WDPCP: variants seen among roughly 807,000 people sequenced by gnomAD.
WDPCP encodes WD repeat containing planar cell polarity effector, also known as WD repeat-containing and planar cell polarity effector protein fritz homolog.
A neutral mutation model predicts 93.1 loss-of-function variants in WDPCP; 71 were observed. The ratio of observed to expected loss-of-function variants is 0.76; its 90% CI spans 0.63 to 0.93. WDPCP has a LOEUF of 0.93. Among genes scored for constraint, WDPCP ranks in the 40% least tolerant of loss-of-function variants. WDPCP has a pLI of 0.00. For missense variants in WDPCP, 844 were observed against 887.4 expected (o/e 0.95, Z 0.62); for synonymous variants, 315 against 315.0 (o/e 1.00, Z 0.00).
At chr2:63,403,019 G>C (rs990931487) in intron 10 of WDPCP, among the ~76,000 whole-genome samples, 1 of 152,146 alleles carries the variant, frequency 6.6e-6, no homozygotes, top group African/African-American at 2.4e-5. Flanking sequence ...TAGAGACATG[G>C]AATCAACCTA....
chr2:63,470,039 C>G (rs948519374), intron 6 of WDPCP, among the ~76,000 whole-genome samples: 11 of 152,056 alleles, frequency 7.2e-5, no homozygotes, highest in Admixed American at 5.2e-4. Context: ...TCCAGGACAC[C>G]ACACTCCCTT....
chr2:63,456,042 A>G (rs1212341067), intron 6 of WDPCP, among the ~76,000 whole-genome samples: 3 of 152,232 alleles, frequency 2.0e-5, no homozygotes, highest in African/African-American at 7.2e-5. Context: ...ATACAAATAC[A>G]TGGAAATTAA....
intron 1 of WDPCP, among the ~76,000 whole-genome samples, chr2:63,502,744 T>G (rs1401850063): frequency 6.6e-6 from 1 of 151,510 alleles, no homozygotes; most frequent in East Asian, 1.9e-4. Flanking sequence ...TTCACTAACA[T>G]ATATGAAGAA....
rs929071727 is a variant in WDPCP, at chr2:63,120,767, C to T, written c.*1239G>A. Among the ~76,000 whole-genome samples the T allele has an allele frequency of 2.0e-5, 3 of 151,820 alleles. No individual in the cohort carries two copies. Among genetic ancestry groups the T allele is most frequent in the Non-Finnish European group, 2.9e-5 (2 of 67,966 alleles). On this transcript the variant is annotated 3_prime_UTR_variant, in exon 18 of 18. Transcript: ENST00000272321. Reference sequence around the variant, plus strand: ...TCTAGGATGGTCTCCATCTCCTGACCTCGTGATTCGCCCGCCTTGGCCTCC... The same window carrying T: ...TCTAGGATGGTCTCCATCTCCTGACTTCGTGATTCGCCCGCCTTGGCCTCC...
At chr2:63,590,303 C>T (rs1283763216), upstream of WDPCP, 2 of 151,966 alleles carry the variant, frequency 1.3e-5, no homozygotes, top group East Asian at 3.9e-4. Context: ...TTATCGAGAC[C>T]CAAAGAGAAT....
chr2:63,396,165 T>C (rs749826254), intron 10 of WDPCP, among the ~76,000 whole-genome samples: 1 of 152,234 alleles, frequency 6.6e-6, no homozygotes, highest in African/African-American at 2.4e-5. Context: ...TTAAATGATA[T>C]GAGATCCAAT....
intron 2 of WDPCP, among the ~76,000 whole-genome samples, chr2:63,806,273 G>A (rs1670761559): frequency 6.6e-6 from 1 of 152,082 alleles, no homozygotes; most frequent in Non-Finnish European, 1.5e-5. Flanking sequence ...GCGTCCGGGG[G>A]GGACATCACA....
At chr2:63,248,473 A>G (rs1460866171) in intron 14 of WDPCP, among the ~76,000 whole-genome samples, 1 of 152,114 alleles carries the variant, frequency 6.6e-6, no homozygotes, top group East Asian at 1.9e-4. Flanking sequence ...TATTTCCTCA[A>G]ATTTGGGAGG....
At chr2:63,775,504 C>A (rs1670289440) in intron 2 of WDPCP, among the ~76,000 whole-genome samples, 2 of 152,190 alleles carry the variant, frequency 1.3e-5, no homozygotes, top group Non-Finnish European at 2.9e-5. Context: ...GTGTCTTATA[C>A]ACATTGAATT....
At position 63,312,213 on chromosome 2, in the gene WDPCP, A is replaced by G. The variant is rs544867282; in HGVS notation, c.1812+1035T>C. ...ATAATAGTATAATTAATTGAATGAC[A>G]TACATTTAGAATTTAAATATCAAAC... On this transcript the variant is annotated intron_variant, in intron 13 of 17. Coordinates refer to ENST00000272321, the MANE Select transcript of WDPCP (RefSeq NM_015910.7). 1.2e-3 allele frequency among the ~76,000 whole-genome samples: 187 copies of G among 152,314 alleles called. 1 individual carries two copies. The highest frequency in any genetic ancestry group is 4.3e-3 in the African/African-American group (177 of 41,594).
At chr2:63,597,599 A>G in intron 3 of WDPCP, 2 of 1,334,552 alleles carry the variant, frequency 1.5e-6, no homozygotes, top group African/African-American at 1.5e-5. Flanking sequence ...ATTTTATGGG[A>G]TTTTTCATTA....
At chr2:63,283,987 C>T (rs889682309) in intron 13 of WDPCP, among the ~76,000 whole-genome samples, 1 of 151,784 alleles carries the variant, frequency 6.6e-6, no homozygotes. Context: ...CAAGGTTATT[C>T]AGTCAAAAAA....
intron 3 of WDPCP, among the ~76,000 whole-genome samples, chr2:63,611,485 CAAG>C (rs1394033597): frequency 1.3e-5 from 2 of 152,026 alleles, no homozygotes; most frequent in Non-Finnish European, 2.9e-5. Flanking sequence ...CAATATTTCT[CAAG>C]AAATGTTGAC....
rs34001322 is a variant in WDPCP, at chr2:63,158,973, C to CAA, written c.2079-5401_2079-5400dup. 6.2e-4 allele frequency among the ~76,000 whole-genome samples: 38 copies of CAA among 61,136 alleles called. 2 individuals carry two copies. Among genetic ancestry groups the CAA allele is most frequent in the African/African-American group, 1.9e-3 (22 of 11,566 alleles). 40.1% of individuals were successfully genotyped at this position (61,136 alleles called of 152,430 possible). A position where few individuals can be genotyped will look rare whatever the true frequency, so the allele number is the denominator to read the frequency against. Reference sequence around the variant, plus strand: ...GTAACATGGTAAAACCTCATCTCTACAAAAAAAAAAAAAAAAAAAAAAAAA... The same window carrying CAA: ...GTAACATGGTAAAACCTCATCTCTACAAAAAAAAAAAAAAAAAAAAAAAAAAA... On this transcript the variant is annotated intron_variant, in intron 15 of 17. Transcript: ENST00000272321.
intron 15 of WDPCP, among the ~76,000 whole-genome samples, chr2:63,169,455 A>C (rs1433027318): frequency 6.6e-6 from 1 of 152,116 alleles, no homozygotes; most frequent in African/African-American, 2.4e-5. Context: ...TTTTTTCCTG[A>C]AAGTGCACTT....
intron 14 of WDPCP, among the ~76,000 whole-genome samples, chr2:63,190,932 T>G (rs909365144): frequency 6.6e-6 from 1 of 152,226 alleles, no homozygotes; most frequent in Admixed American, 6.5e-5. Flanking sequence ...GATCCTGAAT[T>G]GGGTAAATTT....
At chr2:63,387,063 G>T (rs1027346184) in intron 10 of WDPCP, among the ~76,000 whole-genome samples, 2 of 152,014 alleles carry the variant, frequency 1.3e-5, no homozygotes, top group African/African-American at 4.8e-5. Flanking sequence ...CGTGTATAAA[G>T]AAGAGCTGGT....
In WDPCP at chr2:63,258,318, G is replaced by A. The variant is rs534412570; in HGVS notation, c.1915+989C>T. Among the ~76,000 whole-genome samples, 10 of 152,254 alleles carry A rather than the reference G, an allele frequency of 6.6e-5. No individual in the cohort carries two copies. The East Asian group carries it at 7.7e-4, about 12-fold the overall frequency. On this transcript the variant is annotated intron_variant, in intron 14 of 17. Transcript: ENST00000272321. ...GAACTCTTTCAGGATGGGGGAAGGA[G>A]AATGGGATTATCTTGCTAGTACCTG...
intron 15 of WDPCP, among the ~76,000 whole-genome samples, chr2:63,172,846 C>G (rs1673499957): frequency 6.6e-6 from 1 of 152,064 alleles, no homozygotes; most frequent in Non-Finnish European, 1.5e-5. Flanking sequence ...AGGATAGCTT[C>G]TCAGGGAAAA....
Sources: gnomAD v4.1 joint callset for allele counts (sites outside exome capture counted in the v4.1 genomes callset) on GRCh38, gnomAD v4.1.1 for gene constraint, MANE v1.5 for transcripts, NCBI Gene and HGNC (gene_info 2026-07-23, HGNC 2026-07-21) for gene names.